HERC3: variants seen among roughly 807,000 people sequenced by gnomAD.
HERC3 encodes HECT and RLD domain containing E3 ubiquitin protein ligase 3, also known as probable E3 ubiquitin-protein ligase HERC3.
Under a neutral mutation model 129.9 loss-of-function variants are expected in HERC3, and 58 were observed. The observed-to-expected ratio is 0.45, with a 90% CI of 0.36 to 0.56. The LOEUF (loss-of-function observed/expected upper bound fraction) is 0.56. Ranked by LOEUF, HERC3 falls within the 20% of genes least tolerant of loss-of-function variation. HERC3 has a pLI of 0.00. For missense variants in HERC3, 835 were observed against 1,244.2 expected, an observed-to-expected ratio of 0.67 and a Z score of 4.95; for synonymous variants, 430 against 451.0, an observed-to-expected ratio of 0.95 and a Z score of 0.59.
chr4:88,687,042 G>C (rs1416272816), intron 22 of HERC3, among the ~76,000 whole-genome samples, 175 bp from the exon 23 acceptor site: 1 of 152,148 alleles, frequency 6.6e-6, no homozygotes, highest in African/African-American at 2.4e-5. Context: ...TAAAACAAAA[G>C]ATGTTTTTTA....
chr4:88,680,960 C>G (rs1376805099), intron 20 of HERC3, 199 bp from the exon 21 acceptor site: 2 of 964,698 alleles, frequency 2.1e-6, no homozygotes, highest in East Asian at 1.1e-4. Context: ...TCACTAGGTA[C>G]AAATGCTTAA....
At chr4:88,624,573 G>T (rs1204399279) in intron 3 of HERC3, among the ~76,000 whole-genome samples, 2 of 152,128 alleles carry the variant, frequency 1.3e-5, no homozygotes, top group Non-Finnish European at 2.9e-5. Context: ...AAACCAAATT[G>T]CTTGTCTTAC....
chr4:88,565,352 A>G, the HERC3 span, among the ~76,000 whole-genome samples: 1 of 151,992 alleles, frequency 6.6e-6, no homozygotes, highest in Non-Finnish European at 1.5e-5. Context: ...TCTGGCTATT[A>G]TTGTATTGGG....
chr4:88,533,186 A>G, the HERC3 span, among the ~76,000 whole-genome samples: 1 of 152,230 alleles, frequency 6.6e-6, no homozygotes, highest in South Asian at 2.1e-4. Flanking sequence ...AGCATCCAGC[A>G]TGGGAGAAAG....
intron 21 of HERC3, among the ~76,000 whole-genome samples, chr4:88,683,736 A>G (rs912675459): frequency 1.3e-5 from 2 of 152,202 alleles, no homozygotes; most frequent in African/African-American, 4.8e-5. Flanking sequence ...TCTTCTTTTA[A>G]GAGTACTTTT....
In HERC3 at chr4:88,678,591, GA is replaced by G. The variant is rs543030149; in HGVS notation, c.2196+465del. On this transcript the variant is annotated intron_variant, in intron 19 of 25. Transcript: ENST00000402738. ...ACCTAGTACCTGTAAATTATTAAGTGAAAAAAAATTTCTCTCTCCATATATC... is the reference window on the plus strand; with the variant it reads ...ACCTAGTACCTGTAAATTATTAAGTGAAAAAAATTTCTCTCTCCATATATC... Among the ~76,000 whole-genome samples, 61 of 152,102 alleles carry G rather than the reference GA, an allele frequency of 4.0e-4. No homozygotes were observed. In the South Asian group the frequency reaches 7.5e-3, roughly 19 times the overall value.
In HERC3 at chr4:88,652,853, T is replaced by C; in HGVS notation, c.464-16T>C. On this transcript the variant is annotated splice_polypyrimidine_tract_variant and intron_variant, in intron 5 of 25. Coordinates refer to ENST00000402738, the MANE Select transcript of HERC3 (RefSeq NM_014606.3). ...TGTATCATTTTATGGTAATACCAGT[T>C]ATCCTGTTATTTCAGATGGCCAGTT... 1 of 1,595,810 alleles carries C rather than the reference T, an allele frequency of 6.3e-7. No individual in the cohort carries two copies. Among genetic ancestry groups the C allele is most frequent in the South Asian group, 1.1e-5 (1 of 90,576 alleles).
intron 21 of HERC3, among the ~76,000 whole-genome samples, chr4:88,682,935 A>T (rs1376343096): frequency 6.6e-6 from 1 of 152,202 alleles, no homozygotes; most frequent in Non-Finnish European, 1.5e-5. Context: ...TTACAGTCCC[A>T]TCAACAGTGT....
At chr4:88,678,984 A>T (rs911582454) in intron 19 of HERC3, among the ~76,000 whole-genome samples, 4 of 152,142 alleles carry the variant, frequency 2.6e-5, no homozygotes, top group Non-Finnish European at 5.9e-5. Context: ...TTCTTCTGGC[A>T]TCTGTGTAAT....
intron 1 of HERC3, among the ~76,000 whole-genome samples, chr4:88,594,144 CT>C (rs575278800): frequency 6.8e-4 from 103 of 152,274 alleles, no homozygotes; most frequent in African/African-American, 2.2e-3. Flanking sequence ...CTGGAGTTTA[CT>C]TTTTGAAAAA....
the HERC3 span, among the ~76,000 whole-genome samples, chr4:88,541,326 A>C: frequency 1.3e-5 from 2 of 152,226 alleles, no homozygotes; most frequent in African/African-American, 4.8e-5. Context: ...AAACCAACAA[A>C]GATCAAAAGA....
intron 21 of HERC3, among the ~76,000 whole-genome samples, chr4:88,682,210 T>C (rs1732856326): frequency 6.6e-6 from 1 of 152,228 alleles, no homozygotes; most frequent in African/African-American, 2.4e-5. Flanking sequence ...TCTTGGTATA[T>C]GCCTAGGAGT....
At chr4:88,650,497 C>G (rs2149270250) in intron 4 of HERC3, among the ~76,000 whole-genome samples, 1 of 152,288 alleles carries the variant, frequency 6.6e-6, no homozygotes, top group East Asian at 1.9e-4. Flanking sequence ...TAAAGATTCA[C>G]TTAAATCTAA....
intron 3 of HERC3, among the ~76,000 whole-genome samples, chr4:88,625,978 C>T (rs1208332817): frequency 8.5e-5 from 13 of 152,080 alleles, no homozygotes; most frequent in Admixed American, 8.5e-4. Flanking sequence ...GCCAACCTCT[C>T]ATTCCTGGAA....
the HERC3 span, chr4:88,525,036 CA>C: frequency 6.8e-6 from 1 of 147,842 alleles, no homozygotes; most frequent in Non-Finnish European, 1.5e-5. Context: ...TTAAAAAAAA[CA>C]GTTTATTTTT....
In HERC3 at chr4:88,667,461, C is replaced by T. The variant is rs1363911711; in HGVS notation, c.1416C>T (p.Asn472=). 7.5e-6 allele frequency: 12 copies of T among 1,597,738 alleles called. No individual in the cohort carries two copies. In the South Asian group the frequency reaches 1.0e-4, roughly 13 times the overall value. ...GGGTGTTATTTGAGAAGTTAATGAA[C>T]TCTCAGCACTCCATGATTCTAGAAC... ...STRVLFEKLM[N]SQHSMILEQI... is the part of the protein sequence containing the mutation. The change falls in exon 13 of 26, where the codon AAC becomes AAT. Residue 472 remains asparagine (N), a synonymous_variant. Transcript: ENST00000402738.
At position 88,707,018 on chromosome 4, in the gene HERC3, T is replaced by C. The variant is rs533137322; in HGVS notation, c.*58T>C. ...TCCTCAGTGTCCACATTGAGGCCTA[T>C]ACAGAAAATCATGGGGAGTGATTTC... On this transcript the variant is annotated 3_prime_UTR_variant, in exon 26 of 26. Transcript: ENST00000402738. 55 of 1,347,266 alleles carry C rather than the reference T, an allele frequency of 4.1e-5. No individual in the cohort carries two copies. The highest frequency in any genetic ancestry group is 5.6e-5 in the Non-Finnish European group (53 of 942,710). 83.5% of individuals were successfully genotyped at this position (1,347,266 alleles called of 1,614,324 possible). A position where few individuals can be genotyped will look rare whatever the true frequency, so the allele number is the denominator to read the frequency against.
chr4:88,655,102 A>G (rs559943304), intron 7 of HERC3, 72 bp from the exon 8 acceptor site: 51 of 1,517,796 alleles, frequency 3.4e-5, no homozygotes, highest in Admixed American at 2.2e-4. Flanking sequence ...TGTGATAGGC[A>G]TTTTGTATAC....
chr4:88,678,158 C>T (rs369170813), intron 19 of HERC3, 24 bp downstream of exon 19: 1 of 1,606,094 alleles, frequency 6.2e-7, no homozygotes. Flanking sequence ...GGATATTCCT[C>T]TAAATACCTT....
Sources: allele counts gnomAD v4.1 joint callset (sites outside exome capture counted in the v4.1 genomes callset), GRCh38; gene constraint gnomAD v4.1.1; transcripts MANE v1.5; gene names NCBI Gene and HGNC (gene_info 2026-07-23, HGNC 2026-07-21).